DENND5B: variants seen among roughly 807,000 people sequenced by gnomAD.
The protein encoded by DENND5B is DENN domain-containing protein 5B.
DENND5B carries 34 observed loss-of-function variants against 140.6 expected under a neutral mutation model. That is an observed-to-expected ratio of 0.24 (90% CI 0.18 to 0.32). DENND5B has a LOEUF of 0.32. DENND5B is among the 10% of genes least tolerant of loss of function. The probability of loss-of-function intolerance (pLI) is 1.00; values close to 1 mark genes in which losing one functional copy is unlikely to be tolerated. For missense variants in DENND5B, 1,142 were observed against 1,560.2 expected (o/e 0.73, Z 4.52); for synonymous variants, 551 against 562.1 (o/e 0.98, Z 0.28).
rs1304250849 is a variant in DENND5B at position 31,557,820 on chromosome 12, A to G, written c.127+32886T>C. On this transcript the variant is annotated intron_variant, in intron 1 of 20. Coordinates refer to ENST00000389082, the MANE Select transcript of DENND5B (RefSeq NM_144973.4). ...AACTGGGGAGCTGTGGTGGCAAAAAAAAAAAAAAAAAAAAAAAGACACAGA... is the reference window on the plus strand; with the variant it reads ...AACTGGGGAGCTGTGGTGGCAAAAAGAAAAAAAAAAAAAAAAAGACACAGA... Among the ~76,000 whole-genome samples, 333 of 141,902 alleles carry G rather than the reference A, an allele frequency of 2.3e-3. 3 individuals carry two copies. Among genetic ancestry groups the G allele is most frequent in the African/African-American group, 7.4e-3 (301 of 40,504 alleles). 93.1% of individuals were successfully genotyped at this position (141,902 alleles called of 152,430 possible).
rs150433274 is a variant in DENND5B at position 31,395,224 on chromosome 12, A to G, written c.3257-2528T>C. Reference sequence around the variant, plus strand: ...TGCATGTATCTTTATAAATGCCAAGATGTTATTTTGTATTCCTACTAGCAA... The same window carrying G: ...TGCATGTATCTTTATAAATGCCAAGGTGTTATTTTGTATTCCTACTAGCAA... On this transcript the variant is annotated intron_variant, in intron 17 of 20. Coordinates refer to ENST00000389082, the MANE Select transcript of DENND5B (RefSeq NM_144973.4). Among the ~76,000 whole-genome samples the G allele has an allele frequency of 3.3e-5, 5 of 152,250 alleles. No homozygotes were observed. The East Asian group carries it at 9.6e-4, about 29-fold the overall frequency.
intron 4 of DENND5B, among the ~76,000 whole-genome samples, chr12:31,453,031 C>CT (rs1320755325): frequency 6.6e-6 from 1 of 152,142 alleles, no homozygotes; most frequent in African/African-American, 2.4e-5. Flanking sequence ...GCAGAATTGA[C>CT]AATAATCACC....
intron 7 of DENND5B, among the ~76,000 whole-genome samples, chr12:31,438,101 G>A (rs755442230): frequency 2.6e-5 from 4 of 152,056 alleles, no homozygotes; most frequent in Admixed American, 1.3e-4. Flanking sequence ...TCAGCCTCCC[G>A]AGTATCTGGA....
At chr12:31,417,333 G>C (rs961618302) in intron 11 of DENND5B, among the ~76,000 whole-genome samples, 1 of 145,204 alleles carries the variant, frequency 6.9e-6, no homozygotes, top group Non-Finnish European at 1.5e-5. Flanking sequence ...CTCCAGCCTG[G>C]GTGACAGAGC....
intron 13 of DENND5B, among the ~76,000 whole-genome samples, chr12:31,411,603 A>G (rs1173901398): frequency 6.6e-6 from 1 of 152,062 alleles, no homozygotes; most frequent in Non-Finnish European, 1.5e-5. Context: ...TCGGCCTCCC[A>G]AAGTGCTGGG....
At chr12:31,532,463 G>C (rs1003580980) in intron 1 of DENND5B, among the ~76,000 whole-genome samples, 1 of 152,100 alleles carries the variant, frequency 6.6e-6, no homozygotes, top group Non-Finnish European at 1.5e-5. Flanking sequence ...GTGTAGAAGA[G>C]ACCAGGCAGG....
At position 31,398,382 on chromosome 12, in the gene DENND5B, G is replaced by GTTTTTTA. The variant is rs1555132462; in HGVS notation, c.3069-27_3069-21dup. 3 of 1,519,092 alleles carry GTTTTTTA rather than the reference G, an allele frequency of 2.0e-6. No homozygotes were observed. The highest frequency in any genetic ancestry group is 2.5e-5 in the Admixed American group (1 of 40,808). The allele number at this position is 1,519,092 out of a possible 1,614,324, so 94.1% of individuals were successfully genotyped here. A position where few individuals can be genotyped will look rare whatever the true frequency, so the allele number is the denominator to read the frequency against. On this transcript the variant is annotated intron_variant, in intron 16 of 20. Coordinates refer to ENST00000389082, the MANE Select transcript of DENND5B (RefSeq NM_144973.4). ...GGGAATCTGGTAGGACAGAAAACAA[G>GTTTTTTA]TTTTTTATTTTTTATTTTTTTGAGA...
chr12:31,511,650 A>G (rs1434245466), intron 1 of DENND5B, among the ~76,000 whole-genome samples: 1 of 151,610 alleles, frequency 6.6e-6, no homozygotes, highest in Admixed American at 6.6e-5. Flanking sequence ...CTGTTAAATT[A>G]TATCTTCCCC....
intron 14 of DENND5B, among the ~76,000 whole-genome samples, chr12:31,405,423 GC>G (rs1942066573): frequency 6.6e-6 from 1 of 151,568 alleles, no homozygotes; most frequent in African/African-American, 2.4e-5. Flanking sequence ...TTGCCATGTT[GC>G]CCAGGCTGGT....
intron 4 of DENND5B, among the ~76,000 whole-genome samples, chr12:31,459,971 G>A (rs4930977): frequency 0.17 from 25,262 of 152,160 alleles, 2,424 homozygotes; most frequent in Non-Finnish European, 0.22. Flanking sequence ...TTATAGTTGT[G>A]AAAATCAGCC....
intron 1 of DENND5B, among the ~76,000 whole-genome samples, chr12:31,556,200 T>TC (rs1235783652): frequency 3.9e-5 from 6 of 151,902 alleles, no homozygotes; most frequent in African/African-American, 1.2e-4. Context: ...TCTTGGCTCC[T>TC]CCCCCCTTTT....
intron 1 of DENND5B, among the ~76,000 whole-genome samples, chr12:31,545,950 C>CAA (rs57460264): frequency 4.7e-4 from 17 of 36,378 alleles, no homozygotes; most frequent in East Asian, 1.6e-3. Context: ...GACACTGTCT[C>CAA]AAAAAAAAAA....
chr12:31,491,868 A>T (rs1049372106), intron 2 of DENND5B, among the ~76,000 whole-genome samples: 1 of 152,226 alleles, frequency 6.6e-6, no homozygotes, highest in Admixed American at 6.5e-5. Flanking sequence ...ATGACCTTTT[A>T]TTCAAAGCAC....
chr12:31,532,986 G>A (rs1948340781), intron 1 of DENND5B, among the ~76,000 whole-genome samples: 2 of 152,170 alleles, frequency 1.3e-5, no homozygotes, highest in Admixed American at 1.3e-4. Flanking sequence ...TCGGTTTTCT[G>A]AGGCTTATTT....
At chr12:31,450,316 C>A (rs1593196925) in intron 5 of DENND5B, among the ~76,000 whole-genome samples, 1 of 152,102 alleles carries the variant, frequency 6.6e-6, no homozygotes, top group African/African-American at 2.4e-5. Context: ...GTTCAACATA[C>A]AATATCATCC....
At chr12:31,568,097 C>T (rs1384717933) in intron 1 of DENND5B, among the ~76,000 whole-genome samples, 1 of 152,128 alleles carries the variant, frequency 6.6e-6, no homozygotes, top group African/African-American at 2.4e-5. Flanking sequence ...ATATGAAATG[C>T]TCCAAAATCT....
intron 1 of DENND5B, among the ~76,000 whole-genome samples, chr12:31,574,677 T>C (rs959935182): frequency 6.6e-6 from 1 of 152,192 alleles, no homozygotes; most frequent in Non-Finnish European, 1.5e-5. Flanking sequence ...TTCTACCAAC[T>C]TCTATCCTCT....
intron 1 of DENND5B, among the ~76,000 whole-genome samples, chr12:31,579,755 G>A (rs1950151753): frequency 1.4e-5 from 2 of 140,680 alleles, no homozygotes; most frequent in African/African-American, 2.6e-5. Context: ...GGAAGGGAGA[G>A]AGGGAGGAAG....
intron 1 of DENND5B, among the ~76,000 whole-genome samples, chr12:31,589,148 C>T (rs1366734957): frequency 6.6e-6 from 1 of 152,182 alleles, no homozygotes; most frequent in Non-Finnish European, 1.5e-5. Flanking sequence ...GACAGAAGGC[C>T]TCCAAGTGAC....
Sources: gnomAD v4.1 joint callset for allele counts (sites outside exome capture counted in the v4.1 genomes callset) on GRCh38, gnomAD v4.1.1 for gene constraint, MANE v1.5 for transcripts, NCBI Gene and HGNC (gene_info 2026-07-23, HGNC 2026-07-21) for gene names.